Variants in HACE1 observed in about 807,000 individuals in gnomAD.
HACE1 encodes the protein HECT domain and ankyrin repeat containing E3 ubiquitin protein ligase 1, also known as E3 ubiquitin-protein ligase HACE1.
HACE1 carries 73 observed loss-of-function variants against 118.4 expected under a neutral mutation model. That is an observed-to-expected ratio of 0.62 (90% confidence interval 0.51 to 0.75). HACE1 has a LOEUF of 0.75. Ranked by LOEUF, HACE1 falls within the 30% of genes least tolerant of loss-of-function variation. The pLI, the probability that HACE1 is intolerant of heterozygous loss-of-function variation, is 0.00. For synonymous variants in HACE1, 368 were observed against 374.8 expected (o/e 0.98, Z 0.21); for missense variants, 749 against 1,102.2 (o/e 0.68, Z 4.54).
chr6:104,858,283 G>C (rs1345615388), intron 1 of HACE1: 2 of 190,560 alleles, frequency 1.0e-5, no homozygotes, highest in African/African-American at 4.8e-5. Context: ...AAATAAGTAA[G>C]AGTAGCACTT....
intron 2 of HACE1, 118 bp downstream of exon 2, chr6:104,852,199 C>CTGTG (rs543674376): frequency 0.098 from 62,282 of 638,472 alleles, 1,752 homozygotes; most frequent in African/African-American, 0.19. Flanking sequence ...TCCAAACTGT[C>CTGTG]TGTGTGTGTG....
chr6:104,747,422 C>T (rs912124221), intron 20 of HACE1, among the ~76,000 whole-genome samples: 49 of 152,082 alleles, frequency 3.2e-4, no homozygotes, highest in Non-Finnish European at 4.4e-5. Flanking sequence ...CACTAAAACT[C>T]TAGAATTTAA....
intron 4 of HACE1, among the ~76,000 whole-genome samples, chr6:104,847,079 CT>C (rs1336807460): frequency 5.3e-5 from 8 of 152,030 alleles, no homozygotes; most frequent in African/African-American, 1.9e-4. Context: ...TTTCTTTTCT[CT>C]GTGCCACTTT....
At chr6:104,801,672 A>T (rs1173972500) in intron 7 of HACE1, among the ~76,000 whole-genome samples, 3 of 152,196 alleles carry the variant, frequency 2.0e-5, no homozygotes, top group Non-Finnish European at 4.4e-5. Context: ...ATGCCGAGAG[A>T]TTTTGTCACC....
Position 104,833,146 on chromosome 6 carries a change from T to C in HACE1, c.430A>G (p.Thr144Ala), listed in dbSNP as rs1582698649. ...AIHWLAVNGR[T>A]ELLHDLVQHV... ...TGCACAAGGTCATGGAGTAGTTCTG[T>C]CCGCCCATTCACAGCCAGCCAATGT... Residue 144 changes from threonine to alanine, a missense_variant, in exon 6 of 24, where the codon ACA (threonine) becomes GCA (alanine). By Grantham distance (58) the Thr-to-Ala change is moderately conservative. Transcript: ENST00000262903. 1.2e-6 allele frequency: 2 copies of C among 1,613,904 alleles called. No individual in the cohort carries two copies. Among genetic ancestry groups the C allele is most frequent in the Non-Finnish European group, 1.7e-6 (2 of 1,179,794 alleles).
chr6:104,832,408 G>T (rs201617244), intron 6 of HACE1, among the ~76,000 whole-genome samples: 1 of 144,070 alleles, frequency 6.9e-6, no homozygotes, highest in Non-Finnish European at 1.5e-5. Context: ...TGTTGTTGTT[G>T]TTTGATACAG....
chr6:104,836,496 G>A (rs9404581), intron 5 of HACE1, among the ~76,000 whole-genome samples: 28,279 of 151,794 alleles, frequency 0.19, 2,720 homozygotes, highest in East Asian at 0.26. Flanking sequence ...GTGAATCACC[G>A]GAGGTCAGGA....
At position 104,813,117 on chromosome 6, in the gene HACE1, G is replaced by A. The variant is rs1392573515; in HGVS notation, c.535-1724C>T. Among the ~76,000 whole-genome samples, 49 of 138,036 alleles carry A rather than the reference G, an allele frequency of 3.5e-4. 7 individuals are homozygous for A. Among genetic ancestry groups the A allele is most frequent in the Admixed American group, 3.5e-3 (49 of 13,960 alleles). 90.6% of individuals were successfully genotyped at this position (138,036 alleles called of 152,430 possible). On this transcript the variant is annotated intron_variant, in intron 6 of 23. Coordinates refer to ENST00000262903, the MANE Select transcript of HACE1 (RefSeq NM_020771.4). ...GCAGGCTTAAAAATCTCAAGTAGAAGGAATTAAAAGCTTCCTCTCAAGACT... is the reference window on the plus strand; with the variant it reads ...GCAGGCTTAAAAATCTCAAGTAGAAAGAATTAAAAGCTTCCTCTCAAGACT...
At chr6:104,733,838 C>CAAAA (rs10685648) in intron 22 of HACE1, among the ~76,000 whole-genome samples, 4 of 142,830 alleles carry the variant, frequency 2.8e-5, no homozygotes, top group African/African-American at 1.0e-4. Flanking sequence ...GACTTCATCT[C>CAAAA]AAAAAAAAAA....
chr6:104,838,890 TAAAAAA>T (rs71003448), intron 5 of HACE1, among the ~76,000 whole-genome samples: 9 of 58,856 alleles, frequency 1.5e-4, no homozygotes, highest in South Asian at 7.4e-4. Context: ...AACTCCATAG[TAAAAAA>T]AAAAAAAAAA....
In HACE1 at chr6:104,821,290, A is replaced by G. The variant is rs543826352; in HGVS notation, c.535-9897T>C. Among the ~76,000 whole-genome samples, 7 of 152,290 alleles carry G rather than the reference A, an allele frequency of 4.6e-5. 1 individual carries two copies. The highest frequency in any genetic ancestry group is 1.7e-4 in the African/African-American group (7 of 41,564). ...CTGTACAACAAAGCCCCGTGACACA[A>G]GTTTACCTATGTATCAAACCTGTAT... On this transcript the variant is annotated intron_variant, in intron 6 of 23. Transcript: ENST00000262903.
At chr6:104,746,655 T>C (rs1346863490) in intron 20 of HACE1, among the ~76,000 whole-genome samples, 1 of 152,226 alleles carries the variant, frequency 6.6e-6, no homozygotes, top group Admixed American at 6.5e-5. Flanking sequence ...AGGCTTTCCC[T>C]GTTGCCAGTC....
At position 104,849,504 on chromosome 6, in the gene HACE1, A is replaced by ATTT. The variant is rs11380259; in HGVS notation, c.222-261_222-259dup. On this transcript the variant is annotated intron_variant, in intron 3 of 23. Transcript: ENST00000262903. ...AGGCATGAGCCACCACAATTGGGTA[A>ATTT]TTTTTTTTTTTTTTTTTCTGTAGAG... Among the ~76,000 whole-genome samples, 33 of 137,284 alleles carry ATTT rather than the reference A, an allele frequency of 2.4e-4. 1 individual carries two copies. Among genetic ancestry groups the ATTT allele is most frequent in the Non-Finnish European group, 3.1e-4 (20 of 64,706 alleles). 90.1% of individuals were successfully genotyped at this position (137,284 alleles called of 152,430 possible).
At chr6:104,750,283 C>A in intron 20 of HACE1, 58 bp downstream of exon 20, 1 of 1,399,134 alleles carries the variant, frequency 7.1e-7, no homozygotes, top group Non-Finnish European at 1.0e-6. Context: ...TTCTGAATTA[C>A]ATCAACTAGA....
chr6:104,846,268 C>T (rs899831921), intron 4 of HACE1, among the ~76,000 whole-genome samples: 3 of 152,130 alleles, frequency 2.0e-5, no homozygotes, highest in African/African-American at 7.2e-5. Flanking sequence ...TATTATGTAA[C>T]ACATGGGCCC....
intron 11 of HACE1, among the ~76,000 whole-genome samples, chr6:104,789,563 A>G (rs561260397): frequency 1.3e-5 from 2 of 152,128 alleles, no homozygotes; most frequent in Non-Finnish European, 2.9e-5. Context: ...TTATGTCTGT[A>G]TTGACTGTGT....
At chr6:104,740,427 TAA>T (rs1016271901) in intron 22 of HACE1, among the ~76,000 whole-genome samples, 1 of 150,460 alleles carries the variant, frequency 6.6e-6, no homozygotes, top group Non-Finnish European at 1.5e-5. Context: ...CTAGCAAGAC[TAA>T]AAAAGAGAGA....
intron 19 of HACE1, among the ~76,000 whole-genome samples, chr6:104,761,847 T>A (rs533368407): frequency 2.0e-5 from 3 of 151,858 alleles, no homozygotes; most frequent in East Asian, 3.9e-4. Flanking sequence ...TAAACAAATT[T>A]ACAAGAAAAA....
chr6:104,827,761 C>G (rs1410126043), intron 6 of HACE1, among the ~76,000 whole-genome samples: 1 of 152,026 alleles, frequency 6.6e-6, no homozygotes, highest in African/African-American at 2.4e-5. Context: ...GCTAAAGATA[C>G]CAAGAGAGCT....
Sources: allele counts gnomAD v4.1 joint callset (sites outside exome capture counted in the v4.1 genomes callset), GRCh38; gene constraint gnomAD v4.1.1; transcripts MANE v1.5; gene names NCBI Gene and HGNC (gene_info 2026-07-23, HGNC 2026-07-21).